The following IL1RAPL1 variants were observed in gnomAD, a reference collection of about 807,000 sequenced individuals.
IL1RAPL1 encodes interleukin 1 receptor accessory protein like 1.
A neutral mutation model predicts 48.4 loss-of-function variants in IL1RAPL1; 3 were observed. The ratio of observed to expected loss-of-function variants is 0.06; its 90% confidence interval spans 0.03 to 0.16. The LOEUF is 0.16. IL1RAPL1 is among the 10% of genes least tolerant of loss of function. The probability of loss-of-function intolerance (pLI) is 1.00; values close to 1 mark genes in which losing one functional copy is unlikely to be tolerated. For synonymous variants in IL1RAPL1, 185 were observed against 187.7 expected, an observed-to-expected ratio of 0.99 and a Z score of 0.12; for missense variants, 349 against 530.6, an observed-to-expected ratio of 0.66 and a Z score of 3.36.
intron 5 of IL1RAPL1, among the ~76,000 whole-genome samples, chrX:29,605,431 CATTGTT>C (rs977993159): frequency 1.8e-5 from 2 of 110,213 alleles, no homozygotes; most frequent in Non-Finnish European, 3.8e-5. Context: ...AGGCTTCACT[CATTGTT>C]ATTGAGTATT....
At chrX:29,442,459 C>A (rs1934558532) in intron 5 of IL1RAPL1, among the ~76,000 whole-genome samples, 1 of 111,472 alleles carries the variant, frequency 9.0e-6, no homozygotes, top group African/African-American at 3.3e-5. Context: ...AAAGAATTTA[C>A]TCCTGTAACC....
At chrX:29,703,429 G>A (rs1053209829) in intron 6 of IL1RAPL1, among the ~76,000 whole-genome samples, 4 of 110,549 alleles carry the variant, frequency 3.6e-5, no homozygotes, top group Admixed American at 2.9e-4. Context: ...TGCAAGCTCC[G>A]CCTCCCGGGT....
At chrX:28,703,135 TAG>T (rs1177955409) in intron 1 of IL1RAPL1, among the ~76,000 whole-genome samples, 1 of 111,402 alleles carries the variant, frequency 9.0e-6, no homozygotes, top group Non-Finnish European at 1.9e-5. Flanking sequence ...GTTAAGAAGA[TAG>T]AGTTCTTATG....
intron 2 of IL1RAPL1, among the ~76,000 whole-genome samples, chrX:28,876,155 T>C (rs1210857310): frequency 9.0e-6 from 1 of 111,494 alleles, no homozygotes; most frequent in Non-Finnish European, 1.9e-5. Flanking sequence ...CTGGTATTCC[T>C]TTATAGGGCC....
chrX:29,099,674 G>A (rs192897394), intron 2 of IL1RAPL1, among the ~76,000 whole-genome samples: 9 of 111,628 alleles, frequency 8.1e-5, no homozygotes, highest in Non-Finnish European at 1.1e-4. Flanking sequence ...GCTAGTGATA[G>A]AAAACAATGA....
chrX:29,531,720 T>A (rs1173143979), intron 5 of IL1RAPL1, among the ~76,000 whole-genome samples: 2 of 112,285 alleles, frequency 1.8e-5, no homozygotes, highest in African/African-American at 3.2e-5. Flanking sequence ...TGCTCTCTCT[T>A]AAGGCTCTTG....
chrX:29,575,286 C>T (rs962245503), intron 5 of IL1RAPL1, among the ~76,000 whole-genome samples: 3 of 111,539 alleles, frequency 2.7e-5, no homozygotes, highest in African/African-American at 9.8e-5. Context: ...CACATGAACC[C>T]AAGTCAAAGT....
chrX:29,024,434 T>C (rs1393237176), intron 2 of IL1RAPL1, among the ~76,000 whole-genome samples: 1 of 111,936 alleles, frequency 8.9e-6, no homozygotes, highest in Non-Finnish European at 1.9e-5. Context: ...CAATTGCATT[T>C]TTTCAAATTA....
intron 5 of IL1RAPL1, among the ~76,000 whole-genome samples, chrX:29,662,384 T>C (rs1010168863): frequency 6.3e-5 from 7 of 111,609 alleles, no homozygotes; most frequent in African/African-American, 2.3e-4. Flanking sequence ...TTTACATTAG[T>C]CTCTATCTCT....
At chrX:28,771,129 G>C (rs922705345) in intron 1 of IL1RAPL1, among the ~76,000 whole-genome samples, 3 of 111,609 alleles carry the variant, frequency 2.7e-5, no homozygotes, top group African/African-American at 9.8e-5. Flanking sequence ...CAAGACTTAG[G>C]ACACAAAGGG....
chrX:29,186,978 G>A (rs7877425), intron 2 of IL1RAPL1, among the ~76,000 whole-genome samples: 3 of 110,705 alleles, frequency 2.7e-5, no homozygotes, highest in African/African-American at 6.6e-5. Flanking sequence ...TTGGAGTTGG[G>A]GGGGAGGGAG....
At chrX:29,024,225 C>G (rs182748329) in intron 2 of IL1RAPL1, among the ~76,000 whole-genome samples, 3 of 111,725 alleles carry the variant, frequency 2.7e-5, no homozygotes, top group Admixed American at 9.5e-5. Flanking sequence ...GCAATTTTAC[C>G]TAGGAAAATC....
intron 6 of IL1RAPL1, among the ~76,000 whole-genome samples, chrX:29,740,104 C>CA (rs1928159388): frequency 2.8e-5 from 1 of 35,279 alleles, no homozygotes; most frequent in African/African-American, 1.2e-4. Context: ...CTCAAAACAA[C>CA]AAAAAAACAA....
intron 6 of IL1RAPL1, among the ~76,000 whole-genome samples, chrX:29,765,237 G>C (rs1227556645): frequency 3.1e-5 from 3 of 95,517 alleles, no homozygotes; most frequent in Non-Finnish European, 6.1e-5. Flanking sequence ...AATAGCAGTA[G>C]TTCTAGGCTT....
intron 5 of IL1RAPL1, among the ~76,000 whole-genome samples, chrX:29,530,913 G>A (rs1921019082): frequency 8.9e-6 from 1 of 111,881 alleles, no homozygotes; most frequent in Non-Finnish European, 1.9e-5. Context: ...TCGAACCTTT[G>A]GTTTCCTCAT....
At chrX:28,883,073 A>C (rs2147314912) in intron 2 of IL1RAPL1, among the ~76,000 whole-genome samples, 1 of 111,342 alleles carries the variant, frequency 9.0e-6, no homozygotes, top group Admixed American at 9.6e-5. Context: ...GACTCCTATA[A>C]CTTTATTTAA....
chrX:29,001,387 A>G (rs922811212), intron 2 of IL1RAPL1, among the ~76,000 whole-genome samples: 2 of 111,881 alleles, frequency 1.8e-5, no homozygotes, highest in African/African-American at 3.2e-5. Flanking sequence ...GCATAATTAC[A>G]CAAGTAATCA....
intron 5 of IL1RAPL1, among the ~76,000 whole-genome samples, chrX:29,458,725 G>GTT (rs35108405): frequency 3.0e-5 from 3 of 100,329 alleles, no homozygotes; most frequent in African/African-American, 1.1e-4. Flanking sequence ...GAACGTTTTT[G>GTT]TTTTTTTTTT....
At chrX:28,596,415 G>A (rs1278297456) in intron 1 of IL1RAPL1, among the ~76,000 whole-genome samples, 1 of 104,470 alleles carries the variant, frequency 9.6e-6, no homozygotes, top group African/African-American at 3.5e-5. Flanking sequence ...CTCTATCATA[G>A]GTATTTAAGT....
Sources: allele counts gnomAD v4.1 joint callset (sites outside exome capture counted in the v4.1 genomes callset), GRCh38; gene constraint gnomAD v4.1.1; transcripts MANE v1.5; gene names NCBI Gene and HGNC (gene_info 2026-07-23, HGNC 2026-07-21).